Variants in HDAC9 observed in about 807,000 individuals in gnomAD.
HDAC9 encodes histone deacetylase 9, also known as MEF-2 interacting transcription repressor (MITR) protein.
HDAC9 carries 41 observed loss-of-function variants against 139.4 expected under a neutral mutation model. The observed-to-expected ratio is 0.29, with a 90% CI of 0.23 to 0.38. The LOEUF (loss-of-function observed/expected upper bound fraction) is 0.38, where lower values mean the gene tolerates loss of function less well. Ranked by LOEUF, HDAC9 falls within the 10% of genes least tolerant of loss-of-function variation. The probability of loss-of-function intolerance (pLI) is 1.00; values close to 1 mark genes in which losing one functional copy is unlikely to be tolerated. For synonymous variants in HDAC9, 517 were observed against 476.2 expected (o/e 1.09, Z -1.12); for missense variants, 1,147 against 1,297.0 (o/e 0.88, Z 1.78).
In HDAC9 at chr7:18,273,034, C is replaced by T. The variant is rs1414192198; in HGVS notation, c.25+110685C>T. Among the ~76,000 whole-genome samples the T allele has an allele frequency of 2.3e-5, 3 of 131,826 alleles. No homozygotes were observed. In the Admixed American group the frequency reaches 2.4e-4, roughly 10 times the overall value. 86.5% of individuals were successfully genotyped at this position (131,826 alleles called of 152,430 possible). ...TCTTCCTCCTCCTCCTCCTCTTCCT[C>T]TTCCCCTTCTTCCCCTTCTTCGTTT... On this transcript the variant is annotated intron_variant, in intron 2 of 12. Coordinates refer to the HDAC9 transcript ENST00000417496.
At chr7:18,364,341 C>A (rs1244722287) in intron 1 of HDAC9, among the ~76,000 whole-genome samples, 1 of 151,906 alleles carries the variant, frequency 6.6e-6, no homozygotes, top group Non-Finnish European at 1.5e-5. Flanking sequence ...ATAAGGTCTG[C>A]GGCACCGGCA....
chr7:18,697,947 G>C (rs915735000), intron 12 of HDAC9, among the ~76,000 whole-genome samples: 2 of 152,068 alleles, frequency 1.3e-5, no homozygotes, highest in African/African-American at 4.8e-5. Flanking sequence ...AGTCATGGAA[G>C]TGTTCAGTGA....
At chr7:18,743,087 T>C (rs926051537) in intron 13 of HDAC9, among the ~76,000 whole-genome samples, 1 of 152,348 alleles carries the variant, frequency 6.6e-6, no homozygotes, top group East Asian at 1.9e-4. Flanking sequence ...TGTTTTTTTT[T>C]CTCACTCATT....
chr7:18,692,492 A>C (rs912412389), intron 12 of HDAC9, among the ~76,000 whole-genome samples: 1 of 152,158 alleles, frequency 6.6e-6, no homozygotes, highest in Non-Finnish European at 1.5e-5. Context: ...CTCAGACTTT[A>C]GGTAACAAAA....
At chr7:18,328,004 A>T (rs1302292926) in intron 1 of HDAC9, among the ~76,000 whole-genome samples, 1 of 152,010 alleles carries the variant, frequency 6.6e-6, no homozygotes, top group Non-Finnish European at 1.5e-5. Flanking sequence ...GTATAAAAGA[A>T]TATTTAAGCA....
At chr7:18,529,079 T>G (rs1267221511) in intron 2 of HDAC9, among the ~76,000 whole-genome samples, 3 of 152,080 alleles carry the variant, frequency 2.0e-5, no homozygotes, top group Non-Finnish European at 4.4e-5. Flanking sequence ...CTTATATGAC[T>G]CAATGTTAAG....
At chr7:18,437,840 A>G (rs1217875910) in intron 1 of HDAC9, among the ~76,000 whole-genome samples, 1 of 151,306 alleles carries the variant, frequency 6.6e-6, no homozygotes, top group Non-Finnish European at 1.5e-5. Flanking sequence ...ACAGGATTAT[A>G]GAATTAAAAA....
In HDAC9 at chr7:19,002,268, A is replaced by G. The variant is rs1020770969; in HGVS notation, c.*6206A>G. 1 of 152,126 alleles carries G rather than the reference A, an allele frequency of 6.6e-6. No homozygotes were observed. The highest frequency in any genetic ancestry group is 1.5e-5 in the Non-Finnish European group (1 of 67,978). The allele number at this position is 152,126 out of a possible 1,614,324, so 9.4% of individuals were successfully genotyped here. The stretch of plus-strand genomic sequence containing the variant: ...TCTGATTCCTTTTTTGTATTTGAAA[A>G]TGCAATGGTGTGTTCCAAATTATTG... On this transcript the variant is annotated 3_prime_UTR_variant, in exon 26 of 26. Transcript: ENST00000686413.
chr7:18,936,985 TGA>T (rs890063936), intron 23 of HDAC9, among the ~76,000 whole-genome samples: 1 of 151,488 alleles, frequency 6.6e-6, no homozygotes, highest in Non-Finnish European at 1.5e-5. Flanking sequence ...AGAAAAAATA[TGA>T]GAGAGAAAAC....
At chr7:18,557,701 T>A (rs1256580841) in intron 2 of HDAC9, among the ~76,000 whole-genome samples, 1 of 148,364 alleles carries the variant, frequency 6.7e-6, no homozygotes, top group Non-Finnish European at 1.5e-5. Context: ...AAATATATTT[T>A]ATATTGTAAA....
intron 21 of HDAC9, among the ~76,000 whole-genome samples, 198 bp from the exon 22 acceptor site, chr7:18,874,279 AG>A (rs1223735870): frequency 6.6e-6 from 1 of 152,094 alleles, no homozygotes; most frequent in African/African-American, 2.4e-5. Context: ...GAACCAAAAA[AG>A]ACTGAATTGG....
chr7:18,749,162 T>A (rs2129147133), intron 14 of HDAC9, 24 bp downstream of exon 14: 1 of 1,610,456 alleles, frequency 6.2e-7, no homozygotes, highest in South Asian at 1.1e-5. Flanking sequence ...GGACACACTC[T>A]TTTACTTACT....
At position 18,648,452 on chromosome 7, in the gene HDAC9, AT is replaced by A. The variant is rs762238501; in HGVS notation, c.1250-4del. The A allele has an allele frequency of 5.3e-3, 7,385 of 1,394,602 alleles. 28 individuals are homozygous for A. The highest frequency in any genetic ancestry group is 5.7e-3 in the Non-Finnish European group (5,790 of 1,009,506). The allele number at this position is 1,394,602 out of a possible 1,614,324, so 86.4% of individuals were successfully genotyped here. A position where few individuals can be genotyped will look rare whatever the true frequency, so the allele number is the denominator to read the frequency against. ...TGTGTGTATACACACATATACATGT[AT>A]TTTTTTTTTCAGGTGGAGTTCCCTT... On this transcript the variant is annotated splice_polypyrimidine_tract_variant and intron_variant, in intron 10 of 25. Coordinates refer to ENST00000686413, the MANE Select transcript of HDAC9 (RefSeq NM_178425.4).
rs746757945 is a variant in HDAC9 at position 18,226,444 on chromosome 7, C to A, written c.25+64095C>A. ...AAAAAAAAGGGATAGAAGAGGCAGA[C>A]TATACATTGCCCTTTTTAAATCTAC... On this transcript the variant is annotated intron_variant, in intron 2 of 12. Coordinates refer to the HDAC9 transcript ENST00000417496. Among the ~76,000 whole-genome samples, 38 of 152,232 alleles carry A rather than the reference C, an allele frequency of 2.5e-4. No individual in the cohort carries two copies. In the South Asian group the frequency reaches 3.9e-3, roughly 16 times the overall value.
At chr7:18,691,586 A>G (rs1782678128) in intron 12 of HDAC9, among the ~76,000 whole-genome samples, 1 of 152,052 alleles carries the variant, frequency 6.6e-6, no homozygotes, top group Admixed American at 6.6e-5. Flanking sequence ...CACCTGTAAC[A>G]TGAATGTTGA....
intron 1 of HDAC9, among the ~76,000 whole-genome samples, chr7:18,327,255 T>A (rs565715792): frequency 6.6e-6 from 1 of 152,026 alleles, no homozygotes; most frequent in Admixed American, 6.6e-5. Flanking sequence ...TGATGAGCAG[T>A]TACCTACTAT....
intron 2 of HDAC9, among the ~76,000 whole-genome samples, chr7:18,520,530 C>G (rs1804705482): frequency 6.6e-6 from 1 of 152,116 alleles, no homozygotes. Context: ...GCTTTCTGTT[C>G]TGCTTTTTTA....
intron 2 of HDAC9, among the ~76,000 whole-genome samples, chr7:18,174,091 A>T (rs1788680324): frequency 6.6e-6 from 1 of 152,116 alleles, no homozygotes. Context: ...CACCAATCAG[A>T]TGTAGATTTG....
At chr7:18,657,355 G>A (rs1791563685) in intron 11 of HDAC9, among the ~76,000 whole-genome samples, 2 of 152,100 alleles carry the variant, frequency 1.3e-5, no homozygotes, top group African/African-American at 4.8e-5. Context: ...AGTTGGGAGA[G>A]AGTGATTCAT....
Sources: allele counts gnomAD v4.1 joint callset (sites outside exome capture counted in the v4.1 genomes callset), GRCh38; gene constraint gnomAD v4.1.1; transcripts MANE v1.5; gene names NCBI Gene and HGNC (gene_info 2026-07-23, HGNC 2026-07-21).